Variants in C10orf90 observed in about 807,000 individuals in gnomAD.
C10orf90 encodes (E2-independent) E3 ubiquitin-conjugating enzyme FATS.
C10orf90 carries 56 observed loss-of-function variants against 62.5 expected under a neutral mutation model. The ratio of observed to expected loss-of-function variants is 0.90; its 90% CI spans 0.72 to 1.12. The LOEUF is 1.12. Among genes scored for constraint, C10orf90 ranks in the 50% most tolerant of loss-of-function variants. The pLI is 0.00. For synonymous variants in C10orf90, 386 were observed against 340.4 expected, an observed-to-expected ratio of 1.13 and a Z score of -1.47; for missense variants, 970 against 880.4, an observed-to-expected ratio of 1.10 and a Z score of -1.29.
chr10:126,612,949 T>A (rs1167209243), intron 2 of C10orf90, among the ~76,000 whole-genome samples: 1 of 152,200 alleles, frequency 6.6e-6, no homozygotes, highest in Non-Finnish European at 1.5e-5. Context: ...TCCAACGGCA[T>A]GTTACATACT....
chr10:126,484,916 C>T (rs1370659098), intron 4 of C10orf90, among the ~76,000 whole-genome samples: 2 of 152,086 alleles, frequency 1.3e-5, no homozygotes, highest in Non-Finnish European at 2.9e-5. Context: ...ACAGGGAAAA[C>T]AGGTCACTCT....
At chr10:126,650,531 G>A (rs1238106057) in intron 1 of C10orf90, among the ~76,000 whole-genome samples, 3 of 152,078 alleles carry the variant, frequency 2.0e-5, no homozygotes, top group African/African-American at 4.8e-5. Context: ...TAAGTAACTT[G>A]CCCAAAGTCA....
At chr10:126,476,595 C>G (rs1860882883) in intron 4 of C10orf90, among the ~76,000 whole-genome samples, 1 of 152,188 alleles carries the variant, frequency 6.6e-6, no homozygotes, top group Non-Finnish European at 1.5e-5. Context: ...GTTGCCGAGT[C>G]CCTCCCCAAA....
chr10:126,600,638 T>A (rs2804428), intron 2 of C10orf90, among the ~76,000 whole-genome samples: 1 of 152,082 alleles, frequency 6.6e-6, no homozygotes, highest in Non-Finnish European at 1.5e-5. Context: ...GATATCTACG[T>A]CCTCCTCTGT....
At chr10:126,427,853 G>C (rs987188541) in intron 8 of C10orf90, among the ~76,000 whole-genome samples, 1 of 152,114 alleles carries the variant, frequency 6.6e-6, no homozygotes, top group African/African-American at 2.4e-5. Context: ...CCTTGTGATT[G>C]TGTGAGTCAA....
At chr10:126,566,025 A>G (rs1279761093) in intron 2 of C10orf90, among the ~76,000 whole-genome samples, 2 of 152,166 alleles carry the variant, frequency 1.3e-5, no homozygotes, top group Admixed American at 1.3e-4. Context: ...CCCTATTGTC[A>G]TTAGTTATGA....
At chr10:126,669,138 T>A (rs1846694985) in intron 1 of C10orf90, among the ~76,000 whole-genome samples, 1 of 152,254 alleles carries the variant, frequency 6.6e-6, no homozygotes, top group Non-Finnish European at 1.5e-5. Flanking sequence ...CATCTCTGAT[T>A]TCTTTCAATT....
At chr10:126,628,479 C>T (rs191217199) in intron 2 of C10orf90, among the ~76,000 whole-genome samples, 17 of 152,094 alleles carry the variant, frequency 1.1e-4, no homozygotes, top group African/African-American at 4.1e-4. Flanking sequence ...TGTTTCACAG[C>T]TTCTTTATTT....
chr10:126,649,458 T>G (rs903658429), intron 1 of C10orf90, among the ~76,000 whole-genome samples: 11 of 151,914 alleles, frequency 7.2e-5, no homozygotes, highest in African/African-American at 2.4e-4. Flanking sequence ...GCTCCCCTCA[T>G]CTCCTTGATT....
At position 126,546,562 on chromosome 10, in the gene C10orf90, G is replaced by A. The variant is rs537943466; in HGVS notation, c.314-32623C>T. Among the ~76,000 whole-genome samples the A allele has an allele frequency of 7.8e-4, 119 of 152,298 alleles. 2 individuals are homozygous for A. The highest frequency in any genetic ancestry group is 2.7e-3 in the African/African-American group (114 of 41,568). On this transcript the variant is annotated intron_variant, in intron 2 of 9. Coordinates refer to ENST00000488181, the MANE Select transcript of C10orf90 (RefSeq NM_001350921.2). ...GGGGAAGCCACGTGGGAAGCAGTAAGGAGGCACTCCTAAGCCTCCCCCCAC... is the reference window on the plus strand; with the variant it reads ...GGGGAAGCCACGTGGGAAGCAGTAAAGAGGCACTCCTAAGCCTCCCCCCAC...
intron 2 of C10orf90, among the ~76,000 whole-genome samples, chr10:126,531,819 A>G (rs1413521842): frequency 6.6e-6 from 1 of 152,228 alleles, no homozygotes; most frequent in African/African-American, 2.4e-5. Flanking sequence ...ATAAGGAGAA[A>G]CTGTTAAGAA....
intron 1 of C10orf90, among the ~76,000 whole-genome samples, chr10:126,652,513 T>C (rs974162001): frequency 6.6e-6 from 1 of 152,162 alleles, no homozygotes; most frequent in Admixed American, 6.5e-5. Context: ...ATATTATTCC[T>C]ACTATTTCTG....
intron 2 of C10orf90, among the ~76,000 whole-genome samples, chr10:126,621,778 T>C (rs563723500): frequency 1.3e-5 from 2 of 152,228 alleles, no homozygotes; most frequent in Non-Finnish European, 2.9e-5. Flanking sequence ...ATGATTAATG[T>C]ACTATAAATA....
intron 7 of C10orf90, among the ~76,000 whole-genome samples, chr10:126,444,510 A>T (rs1280799193): frequency 6.6e-6 from 1 of 152,166 alleles, no homozygotes; most frequent in East Asian, 1.9e-4. Flanking sequence ...CACTGCTGAA[A>T]GAAATCATAG....
rs570299997 is a variant in C10orf90, at chr10:126,506,547, G to A, written c.406-1462C>T. On this transcript the variant is annotated intron_variant, in intron 3 of 9. Transcript: ENST00000488181. Reference sequence around the variant, plus strand: ...CAGCTCCCAAATCCCAACATGCAGAGAATGGCCTGGGATGTTACAACTGCA... The same window carrying A: ...CAGCTCCCAAATCCCAACATGCAGAAAATGGCCTGGGATGTTACAACTGCA... 9.2e-5 allele frequency among the ~76,000 whole-genome samples: 14 copies of A among 152,340 alleles called. No homozygotes were observed. The East Asian group carries it at 2.5e-3, about 27-fold the overall frequency.
chr10:126,625,430 T>C (rs1845723802), intron 2 of C10orf90, among the ~76,000 whole-genome samples: 1 of 152,188 alleles, frequency 6.6e-6, no homozygotes, highest in Admixed American at 6.5e-5. Context: ...GACATTTTTA[T>C]AAAATATAGC....
At chr10:126,530,651 T>C (rs1269964316) in intron 2 of C10orf90, among the ~76,000 whole-genome samples, 3 of 151,570 alleles carry the variant, frequency 2.0e-5, no homozygotes, top group Non-Finnish European at 4.4e-5. Flanking sequence ...ATGAAAGGGA[T>C]AGAATAAGAT....
At chr10:126,546,853 G>T (rs924601121) in intron 2 of C10orf90, among the ~76,000 whole-genome samples, 1 of 152,208 alleles carries the variant, frequency 6.6e-6, no homozygotes, top group African/African-American at 2.4e-5. Context: ...CACCAGGTGC[G>T]GTGGCTCAGG....
chr10:126,588,812 T>A (rs954352768), intron 2 of C10orf90, among the ~76,000 whole-genome samples: 1 of 152,158 alleles, frequency 6.6e-6, no homozygotes, highest in Non-Finnish European at 1.5e-5. Context: ...TCCAATTGAC[T>A]GCAACATCTC....
Sources: gnomAD v4.1 joint callset for allele counts (sites outside exome capture counted in the v4.1 genomes callset) on GRCh38, gnomAD v4.1.1 for gene constraint, MANE v1.5 for transcripts, NCBI Gene and HGNC (gene_info 2026-07-23, HGNC 2026-07-21) for gene names.